TFAP2A: variants seen among roughly 807,000 people sequenced by gnomAD.
TFAP2A encodes the protein transcription factor AP-2-alpha.
TFAP2A carries 7 observed loss-of-function variants against 41.5 expected under a neutral mutation model. The observed-to-expected ratio is 0.17, with a 90% CI of 0.10 to 0.32. The LOEUF (loss-of-function observed/expected upper bound fraction) is 0.32, where lower values mean the gene tolerates loss of function less well. TFAP2A is among the 10% of genes least tolerant of loss of function. The pLI is 1.00. For synonymous variants in TFAP2A, 247 were observed against 242.8 expected, an observed-to-expected ratio of 1.02 and a Z score of -0.16; for missense variants, 416 against 563.3, an observed-to-expected ratio of 0.74 and a Z score of 2.65.
At chr6:10,413,452 T>C (rs1192236879) in intron 1 of TFAP2A, among the ~76,000 whole-genome samples, 2 of 152,174 alleles carry the variant, frequency 1.3e-5, no homozygotes, top group African/African-American at 4.8e-5. Flanking sequence ...TTTCGGCCTC[T>C]GCGAAAGTGA....
intron 4 of TFAP2A, 120 bp downstream of exon 4, chr6:10,404,388 T>G: frequency 2.2e-6 from 1 of 457,046 alleles, no homozygotes. Context: ...CCCCCTTTCC[T>G]TTCCCGCGTA....
At chr6:10,402,193 C>T (rs1762034976) in intron 5 of TFAP2A, 1 of 449,402 alleles carries the variant, frequency 2.2e-6, no homozygotes, top group African/African-American at 3.0e-5. Context: ...CTGCTGAGCC[C>T]TTTAAAGGAG....
intron 1 of TFAP2A, chr6:10,413,018 C>G (rs951013187): frequency 6.6e-6 from 1 of 152,270 alleles, no homozygotes; most frequent in African/African-American, 2.4e-5. Context: ...CCGGCAAAAA[C>G]CCGTCCGACT....
intron 5 of TFAP2A, chr6:10,402,201 G>T: frequency 2.2e-6 from 1 of 464,196 alleles, no homozygotes. Flanking sequence ...CCCTTTAAAG[G>T]AGACAAACTT....
upstream of TFAP2A, chr6:10,419,328 A>T (rs1282867418): frequency 1.1e-5 from 16 of 1,504,156 alleles, no homozygotes; most frequent in Non-Finnish European, 1.5e-5. Flanking sequence ...GCCCTGGGCC[A>T]CGGCGCTTCC....
rs1236415373 is a variant in TFAP2A, at chr6:10,396,850, C to A, written c.*1567G>T. The A allele has an allele frequency of 1.3e-5, 2 of 152,482 alleles. No individual in the cohort carries two copies. The highest frequency in any genetic ancestry group is 2.4e-5 in the African/African-American group (1 of 41,372). The allele number at this position is 152,482 out of a possible 1,614,324, so 9.4% of individuals were successfully genotyped here. ...GACACAGTGGAATATCTAAATGATA[C>A]CCTGCTCTGAACTCCAAGTTGAAAG... On this transcript the variant is annotated 3_prime_UTR_variant, in exon 7 of 7. Coordinates refer to ENST00000379613, the MANE Select transcript of TFAP2A (RefSeq NM_001372066.1).
intron 4 of TFAP2A, among the ~76,000 whole-genome samples, chr6:10,404,289 G>T (rs1485722712): frequency 1.3e-5 from 2 of 152,204 alleles, no homozygotes; most frequent in African/African-American, 4.8e-5. Flanking sequence ...CTCGCTCGCG[G>T]GAAAGCAGCG....
At chr6:10,413,783 G>A (rs751581522) in intron 1 of TFAP2A, among the ~76,000 whole-genome samples, 20 of 152,056 alleles carry the variant, frequency 1.3e-4, no homozygotes, top group South Asian at 4.1e-4. Context: ...CCAATTTCTG[G>A]TTTCGAGTGA....
rs1280678804 is a variant in TFAP2A at position 10,398,302 on chromosome 6, A to G, written c.*115T>C. 39 of 1,593,964 alleles carry G rather than the reference A, an allele frequency of 2.4e-5. No homozygotes were observed. The African/African-American group carries it at 3.4e-4, about 14-fold the overall frequency. On this transcript the variant is annotated 3_prime_UTR_variant, in exon 7 of 7. Coordinates refer to ENST00000379613, the MANE Select transcript of TFAP2A (RefSeq NM_001372066.1). This position sits in a 1 kb window ranked among gnomAD's most constrained non-coding sequence, Gnocchi z 5.3. ...CAGCGGCGGCGGCGGCGGCGGCAGC[A>G]GCAGCAGCAGTAGCAGCAGCAGGAA...
At chr6:10,415,124 G>T, upstream of TFAP2A, 1 of 1,581,316 alleles carries the variant, frequency 6.3e-7, no homozygotes, top group Non-Finnish European at 8.6e-7. Context: ...TGGAGGAGGA[G>T]AAGGAGGAGG....
chr6:10,415,336 A>C, upstream of TFAP2A: 4 of 1,220,294 alleles, frequency 3.3e-6, no homozygotes, highest in South Asian at 1.6e-5. Context: ...CAATAGTCCA[A>C]TTGCTCGCCA....
intron 4 of TFAP2A, among the ~76,000 whole-genome samples, chr6:10,403,183 T>C (rs1757496963): frequency 6.6e-6 from 1 of 152,256 alleles, no homozygotes; most frequent in South Asian, 2.1e-4. Flanking sequence ...TCAGAGACAA[T>C]GGAGGCAGTT....
At chr6:10,414,517 T>A in intron 1 of TFAP2A, 2 of 323,528 alleles carry the variant, frequency 6.2e-6, no homozygotes, top group Non-Finnish European at 1.2e-5. Flanking sequence ...ATATTAAAGA[T>A]CGGAGAGGAA....
chr6:10,403,076 C>T (rs1335132799), intron 4 of TFAP2A, among the ~76,000 whole-genome samples: 1 of 152,208 alleles, frequency 6.6e-6, no homozygotes, highest in African/African-American at 2.4e-5. Flanking sequence ...GCTCTAGCCC[C>T]AAAGGGAAAT....
intron 2 of TFAP2A, among the ~76,000 whole-genome samples, chr6:10,408,860 C>A (rs899963282): frequency 1.3e-5 from 2 of 152,232 alleles, no homozygotes; most frequent in African/African-American, 4.8e-5. Context: ...ATGTAGTAAT[C>A]ATTAAACTGT....
chr6:10,415,122 GAGA>G (rs1469657284), upstream of TFAP2A: 2 of 1,583,170 alleles, frequency 1.3e-6, no homozygotes, highest in East Asian at 2.3e-5. Context: ...GGTGGAGGAG[GAGA>G]AGGAGGAGGG....
chr6:10,404,292 A>G (rs1386849491), intron 4 of TFAP2A, among the ~76,000 whole-genome samples: 1 of 152,192 alleles, frequency 6.6e-6, no homozygotes, highest in East Asian at 1.9e-4. Flanking sequence ...GCTCGCGGGA[A>G]AGCAGCGGAG....
At chr6:10,415,313 A>C, upstream of TFAP2A, 2 of 1,341,994 alleles carry the variant, frequency 1.5e-6, no homozygotes, top group Non-Finnish European at 1.9e-6. Context: ...TAATCGCCTC[A>C]TTAGCATATC....
At chr6:10,399,943 T>C (rs1047126274) in intron 6 of TFAP2A, among the ~76,000 whole-genome samples, 3 of 152,058 alleles carry the variant, frequency 2.0e-5, no homozygotes, top group African/African-American at 7.2e-5. Flanking sequence ...TGTGTGTGTG[T>C]GTCACTTTCG....
Sources: gnomAD v4.1 joint callset for allele counts (sites outside exome capture counted in the v4.1 genomes callset) on GRCh38, gnomAD v4.1.1 for gene constraint, Gnocchi (gnomAD v3.1) non-coding constraint, MANE v1.5 for transcripts, NCBI Gene and HGNC (gene_info 2026-07-23, HGNC 2026-07-21) for gene names.